Variants in ASIC5 observed in about 807,000 individuals in gnomAD.
ASIC5 encodes bile acid-sensitive ion channel.
Under a neutral mutation model 51.2 loss-of-function variants are expected in ASIC5, and 52 were observed. The observed-to-expected ratio is 1.02, with a 90% CI of 0.81 to 1.28. The LOEUF is 1.28. Ranked by LOEUF, ASIC5 falls within the 50% of genes most tolerant of loss-of-function variation. The probability of loss-of-function intolerance (pLI) is 0.00; values close to 1 mark genes in which losing one functional copy is unlikely to be tolerated. For synonymous variants in ASIC5, 231 were observed against 200.7 expected (o/e 1.15, Z -1.28); for missense variants, 635 against 595.0 (o/e 1.07, Z -0.70).
chr4:155,859,020 C>T (rs906543035), intron 2 of ASIC5: 12 of 151,908 alleles, frequency 7.9e-5, no homozygotes, highest in Non-Finnish European at 1.3e-4. Context: ...TCTTGGGGCC[C>T]GCAGGAGATT....
At chr4:155,863,350 G>GGTTTTAC (rs1276690803) in intron 2 of ASIC5, 98 bp downstream of exon 2, 22 of 970,238 alleles carry the variant, frequency 2.3e-5, no homozygotes, top group Non-Finnish European at 3.3e-5. Context: ...TTTTACATAT[G>GGTTTTAC]ATAAGTTCCA....
At chr4:155,841,614 C>G (rs113712863) in intron 6 of ASIC5, among the ~76,000 whole-genome samples, 1 of 152,170 alleles carries the variant, frequency 6.6e-6, no homozygotes, top group Non-Finnish European at 1.5e-5. Flanking sequence ...GTTAATTTTA[C>G]AGTCCCAAAG....
Position 155,841,730 on chromosome 4 carries a change from G to A in ASIC5, c.1009+477C>T, listed in dbSNP as rs990220826. 5.9e-5 allele frequency among the ~76,000 whole-genome samples: 9 copies of A among 151,960 alleles called. 2 individuals are homozygous for A. Among genetic ancestry groups the A allele is most frequent in the Admixed American group, 5.3e-4 (8 of 15,220 alleles). On this transcript the variant is annotated intron_variant, in intron 6 of 9. Coordinates refer to ENST00000537611, the MANE Select transcript of ASIC5 (RefSeq NM_017419.3). ...TCTTGGTGTGCTGTTTTAGATATTT[G>A]AGACCATCAAATTTTAGCCTTTGGG...
At chr4:155,846,156 T>A (rs1176937560) in intron 4 of ASIC5, among the ~76,000 whole-genome samples, 1 of 152,068 alleles carries the variant, frequency 6.6e-6, no homozygotes, top group Non-Finnish European at 1.5e-5. Flanking sequence ...GTAACTTAAG[T>A]AAAATCTTTA....
intron 7 of ASIC5, among the ~76,000 whole-genome samples, 185 bp downstream of exon 7, chr4:155,838,628 G>T (rs1300237250): frequency 1.3e-5 from 2 of 151,936 alleles, no homozygotes; most frequent in Non-Finnish European, 2.9e-5. Flanking sequence ...AATATCAGAG[G>T]GTTTTTGTTT....
chr4:155,857,189 A>G (rs1741564536), intron 2 of ASIC5, among the ~76,000 whole-genome samples: 1 of 151,976 alleles, frequency 6.6e-6, no homozygotes, highest in Admixed American at 6.6e-5. Context: ...AGAGGCACAA[A>G]CATGGTTCAT....
At chr4:155,837,820 C>G (rs2111231129) in intron 7 of ASIC5, among the ~76,000 whole-genome samples, 1 of 151,984 alleles carries the variant, frequency 6.6e-6, no homozygotes, top group South Asian at 2.1e-4. Context: ...TACATATACT[C>G]TCATGTACAT....
chr4:155,856,564 A>G (rs948000728), intron 2 of ASIC5, among the ~76,000 whole-genome samples: 4 of 152,100 alleles, frequency 2.6e-5, no homozygotes, highest in African/African-American at 9.7e-5. Context: ...CCAAGGCACT[A>G]TTGGTCATCT....
At chr4:155,836,667 T>C in intron 8 of ASIC5, 22 bp downstream of exon 8, 1 of 1,473,294 alleles carries the variant, frequency 6.8e-7, no homozygotes, top group East Asian at 2.3e-5. Flanking sequence ...TTATCAATAA[T>C]TTAAAAGGCT....
At chr4:155,849,338 C>T (rs557180244) in intron 4 of ASIC5, among the ~76,000 whole-genome samples, 24 of 152,066 alleles carry the variant, frequency 1.6e-4, no homozygotes, top group African/African-American at 4.6e-4. Flanking sequence ...CACAAATCTA[C>T]GGCTGGGCTC....
intron 7 of ASIC5, among the ~76,000 whole-genome samples, chr4:155,837,520 C>T (rs1296149448): frequency 6.6e-6 from 1 of 152,184 alleles, no homozygotes; most frequent in Non-Finnish European, 1.5e-5. Flanking sequence ...ATTCTCACTG[C>T]TCCTCATTCA....
chr4:155,846,403 A>G (rs1271277018), intron 4 of ASIC5, among the ~76,000 whole-genome samples: 1 of 152,134 alleles, frequency 6.6e-6, no homozygotes, highest in Non-Finnish European at 1.5e-5. Flanking sequence ...GGTTTAATGA[A>G]AATAGCTGCA....
At chr4:155,843,226 A>C (rs1269124854) in intron 5 of ASIC5, among the ~76,000 whole-genome samples, 1 of 152,100 alleles carries the variant, frequency 6.6e-6, no homozygotes, top group African/African-American at 2.4e-5. Context: ...ATGAAAGAAA[A>C]ATATTACCCC....
At chr4:155,842,057 G>A in intron 6 of ASIC5, 150 bp downstream of exon 6, 1 of 662,880 alleles carries the variant, frequency 1.5e-6, no homozygotes, top group South Asian at 3.3e-5. Flanking sequence ...TAATTTTTCT[G>A]TGAATGGGTC....
rs536774087 is a variant in ASIC5 at position 155,852,442 on chromosome 4, A to G, written c.586-126T>C. On this transcript the variant is annotated intron_variant, in intron 3 of 9. Coordinates refer to ENST00000537611, the MANE Select transcript of ASIC5 (RefSeq NM_017419.3). ...AGACTGCAGAAATATCAGAGAGAAT[A>G]GTCTGATTTATATGTGTATTCAGTG... is the stretch of plus-strand genomic sequence containing the variant. 2.1e-5 allele frequency: 16 copies of G among 767,032 alleles called. No individual in the cohort carries two copies. In the African/African-American group the frequency reaches 3.0e-4, roughly 14 times the overall value. The allele number at this position is 767,032 out of a possible 1,614,324, so 47.5% of individuals were successfully genotyped here. A position where few individuals can be genotyped will look rare whatever the true frequency, so the allele number is the denominator to read the frequency against.
In ASIC5 at chr4:155,831,922, A is replaced by T. The variant is rs1560738917; in HGVS notation, c.1236-7T>A. The T allele has an allele frequency of 1.4e-6, 2 of 1,435,488 alleles. No homozygotes were observed. The highest frequency in any genetic ancestry group is 1.4e-5 in the African/African-American group (1 of 70,802). 88.9% of individuals were successfully genotyped at this position (1,435,488 alleles called of 1,614,324 possible). ...AATTTTTACAAGATTCTCCCTAGGG[A>T]TAAAAAAGAGAGTTAATATAGCTTA... On this transcript the variant is annotated splice_polypyrimidine_tract_variant and splice_region_variant and intron_variant, in intron 8 of 9. Coordinates refer to ENST00000537611, the MANE Select transcript of ASIC5 (RefSeq NM_017419.3).
chr4:155,838,198 C>T (rs921877172), intron 7 of ASIC5, among the ~76,000 whole-genome samples: 1 of 152,076 alleles, frequency 6.6e-6, no homozygotes, highest in African/African-American at 2.4e-5. Context: ...TTTAATAAAA[C>T]AACCAATGAC....
At chr4:155,854,977 C>T in intron 2 of ASIC5, 1 of 152,162 alleles carries the variant, frequency 6.6e-6, no homozygotes, top group South Asian at 2.1e-4. Flanking sequence ...GTTTCCCCGA[C>T]TTCATATCCA....
chr4:155,854,400 G>T, intron 2 of ASIC5, 86 bp from the exon 3 acceptor site: 3 of 973,202 alleles, frequency 3.1e-6, no homozygotes, highest in South Asian at 1.6e-5. Flanking sequence ...GATTCTATTA[G>T]CTTCTTCTTA....
Sources: gnomAD v4.1 joint callset for allele counts (sites outside exome capture counted in the v4.1 genomes callset) on GRCh38, gnomAD v4.1.1 for gene constraint, MANE v1.5 for transcripts, NCBI Gene and HGNC (gene_info 2026-07-23, HGNC 2026-07-21) for gene names.